Variants in LRRK1 observed in about 807,000 individuals in gnomAD.
LRRK1 encodes leucine-rich repeat serine/threonine-protein kinase 1.
LRRK1 carries 113 observed loss-of-function variants against 209.1 expected under a neutral mutation model. The observed-to-expected ratio is 0.54, with a 90% confidence interval of 0.46 to 0.63. The LOEUF (loss-of-function observed/expected upper bound fraction) is 0.63. LRRK1 is among the 30% of genes least tolerant of loss of function. The pLI, the probability that LRRK1 is intolerant of heterozygous loss-of-function variation, is 0.00. For synonymous variants in LRRK1, 1,144 were observed against 1,099.7 expected, an observed-to-expected ratio of 1.04 and a Z score of -0.80; for missense variants, 2,284 against 2,632.2, an observed-to-expected ratio of 0.87 and a Z score of 2.89.
At chr15:101,012,406 C>A (rs888154605) in intron 10 of LRRK1, among the ~76,000 whole-genome samples, 4 of 152,192 alleles carry the variant, frequency 2.6e-5, no homozygotes, top group African/African-American at 9.7e-5. Context: ...ACGGCCTGCC[C>A]ATATATGAGG....
At chr15:101,013,171 C>T (rs575513292) in intron 10 of LRRK1, among the ~76,000 whole-genome samples, 1 of 152,210 alleles carries the variant, frequency 6.6e-6, no homozygotes, top group Non-Finnish European at 1.5e-5. Context: ...TATGTGGGGG[C>T]TTGGGGGACC....
intron 2 of LRRK1, among the ~76,000 whole-genome samples, chr15:100,962,816 T>TATACACATATATATATAC (rs1596204721): frequency 6.1e-5 from 2 of 32,736 alleles, no homozygotes; most frequent in African/African-American, 9.7e-5. Flanking sequence ...TATATATATA[T>TATACACATATATATATAC]ATATATATTT....
chr15:101,027,294 AG>A lies in LRRK1; in HGVS notation c.2442del (p.Leu815CysfsTer4). On this transcript the variant is annotated frameshift_variant, in exon 18 of 34. Transcript: ENST00000388948. LOFTEE classifies it high-confidence loss of function. This position sits in a 1 kb window ranked among gnomAD's most constrained non-coding sequence, Gnocchi z 5.1. The part of the protein sequence containing the change: ...ISCKSLEGQE[G>X]LRQLIFHVTC... ...CCTGCAAGAGCCTGGAAGGTCAGGA[AG>A]GGCTGCGACAGCTGATTTTCCACGT... 1 of 1,614,142 alleles carries A rather than the reference AG, an allele frequency of 6.2e-7. No homozygotes were observed. The highest frequency in any genetic ancestry group is 8.5e-7 in the Non-Finnish European group (1 of 1,180,012).
At chr15:100,934,339 C>G (rs1365442841) in intron 2 of LRRK1, among the ~76,000 whole-genome samples, 5 of 152,112 alleles carry the variant, frequency 3.3e-5, no homozygotes, top group Non-Finnish European at 7.4e-5. Context: ...TTCTTCTAAG[C>G]CCCAGCTTTG....
chr15:100,944,273 A>G (rs1195677282), intron 2 of LRRK1, among the ~76,000 whole-genome samples: 1 of 152,190 alleles, frequency 6.6e-6, no homozygotes. Context: ...CCATCCAGGA[A>G]AAAGATCTGT....
intron 2 of LRRK1, among the ~76,000 whole-genome samples, chr15:100,952,399 A>T (rs2042672960): frequency 6.6e-6 from 1 of 152,236 alleles, no homozygotes; most frequent in African/African-American, 2.4e-5. Context: ...TGTGAGCCAC[A>T]GTTAAAGGGG....
chr15:101,005,691 G>A lies in LRRK1; in HGVS notation c.763-3146G>A, dbSNP rs7178658. Among the ~76,000 whole-genome samples, 1,204 of 152,268 alleles carry A rather than the reference G, an allele frequency of 7.9e-3. 17 individuals carry two copies. The highest frequency in any genetic ancestry group is 0.027 in the African/African-American group (1,130 of 41,532). On this transcript the variant is annotated intron_variant, in intron 6 of 33. Coordinates refer to ENST00000388948, the MANE Select transcript of LRRK1 (RefSeq NM_024652.6). The stretch of plus-strand genomic sequence containing the variant: ...TTGTTTTGCCGGGAAGTAAGGAGGC[G>A]TCCCAAAATTGACAGCGATATGTCA...
intron 7 of LRRK1, 138 bp downstream of exon 7, chr15:101,009,201 C>T (rs557751943): frequency 7.2e-6 from 5 of 692,354 alleles, no homozygotes; most frequent in East Asian, 2.7e-5. Flanking sequence ...TTTTGCCTAC[C>T]CTGAGGCAAG....
chr15:101,067,768 A>T (rs2036616771), intron 33 of LRRK1, among the ~76,000 whole-genome samples: 1 of 152,152 alleles, frequency 6.6e-6, no homozygotes, highest in South Asian at 2.1e-4. Flanking sequence ...GAAGCCTTGA[A>T]CTGATGGAGT....
At chr15:100,942,268 G>C (rs1278348602) in intron 2 of LRRK1, among the ~76,000 whole-genome samples, 1 of 152,178 alleles carries the variant, frequency 6.6e-6, no homozygotes, top group African/African-American at 2.4e-5. Context: ...CTGTGACAGG[G>C]GCAGGGTTAG....
At position 101,017,806 on chromosome 15, in the gene LRRK1, C is replaced by T. The variant is rs375244397; in HGVS notation, c.1609+2404C>T. 1.6e-4 allele frequency among the ~76,000 whole-genome samples: 24 copies of T among 152,044 alleles called. 2 individuals carry two copies. The highest frequency in any genetic ancestry group is 5.8e-4 in the East Asian group (3 of 5,180). ...ATATATGACAAAGGCAGAACTTCAA[C>T]TTAGTGTAAAAGGATGCTTGCGTGC... On this transcript the variant is annotated intron_variant, in intron 12 of 33. Coordinates refer to ENST00000388948, the MANE Select transcript of LRRK1 (RefSeq NM_024652.6).
chr15:100,990,606 A>G (rs2032110210), intron 6 of LRRK1, among the ~76,000 whole-genome samples: 1 of 152,050 alleles, frequency 6.6e-6, no homozygotes, highest in South Asian at 2.1e-4. Context: ...ATAATACTGG[A>G]TATCTTTTCA....
intron 6 of LRRK1, among the ~76,000 whole-genome samples, chr15:100,992,837 T>A (rs1176690676): frequency 6.6e-6 from 1 of 152,120 alleles, no homozygotes; most frequent in African/African-American, 2.4e-5. Context: ...CCAAGCTGAT[T>A]TTTGTATTTT....
intron 2 of LRRK1, among the ~76,000 whole-genome samples, chr15:100,928,160 T>G (rs1191143835): frequency 6.6e-6 from 1 of 152,274 alleles, no homozygotes; most frequent in African/African-American, 2.4e-5. Flanking sequence ...ATTTTTAAAT[T>G]ATTGTTTATT....
chr15:100,968,359 G>C (rs2030610057), intron 2 of LRRK1, among the ~76,000 whole-genome samples: 1 of 152,184 alleles, frequency 6.6e-6, no homozygotes, highest in Non-Finnish European at 1.5e-5. Flanking sequence ...GATAAGAATG[G>C]AATTTATGGG....
chr15:100,969,992 G>A (rs927945344), intron 2 of LRRK1, among the ~76,000 whole-genome samples: 25 of 151,814 alleles, frequency 1.6e-4, no homozygotes, highest in Admixed American at 5.2e-4. Context: ...AGGTTCAAGC[G>A]ATTCTCCTGC....
intron 30 of LRRK1, among the ~76,000 whole-genome samples, chr15:101,061,881 G>A (rs1330155423): frequency 3.9e-5 from 6 of 152,202 alleles, no homozygotes; most frequent in Admixed American, 6.5e-5. Context: ...ATGGTGGTGC[G>A]TGAGTGTTCC....
intron 20 of LRRK1, among the ~76,000 whole-genome samples, chr15:101,032,877 C>G (rs1001898020): frequency 6.6e-6 from 1 of 152,172 alleles, no homozygotes; most frequent in Non-Finnish European, 1.5e-5. Context: ...GTGCCAAACC[C>G]CACTGATTAT....
Position 101,010,645 on chromosome 15 carries a change from A to C in LRRK1, c.1118-29A>C, listed in dbSNP as rs762563556. On this transcript the variant is annotated intron_variant, in intron 8 of 33. Transcript: ENST00000388948. ...TTGGTAGGGATATTTTTACCAATTC[A>C]TACTTTGGGTCTTTTTTTTTTTTTT... The C allele has an allele frequency of 8.4e-6, 13 of 1,543,604 alleles. No individual in the cohort carries two copies. The Admixed American group carries it at 2.8e-4, about 34-fold the overall frequency.
Sources: allele counts gnomAD v4.1 joint callset (sites outside exome capture counted in the v4.1 genomes callset), GRCh38; gene constraint gnomAD v4.1.1; non-coding constraint Gnocchi (gnomAD v3.1); transcripts MANE v1.5; gene names NCBI Gene and HGNC (gene_info 2026-07-23, HGNC 2026-07-21).